The following DGKB variants were observed in gnomAD, a reference collection of about 807,000 sequenced individuals.
DGKB encodes 90 kDa diacylglycerol kinase.
A neutral mutation model predicts 114.3 loss-of-function variants in DGKB; 67 were observed. That is an observed-to-expected ratio of 0.59 (90% CI 0.48 to 0.72). The LOEUF (loss-of-function observed/expected upper bound fraction) is 0.72. Among genes scored for constraint, DGKB ranks in the 30% least tolerant of loss-of-function variants. DGKB has a pLI of 0.00. For missense variants in DGKB, 907 were observed against 975.2 expected, an observed-to-expected ratio of 0.93 and a Z score of 0.93; for synonymous variants, 398 against 323.1, an observed-to-expected ratio of 1.23 and a Z score of -2.49.
chr7:14,794,843 G>A (rs891339637), intron 2 of DGKB, among the ~76,000 whole-genome samples: 1 of 152,122 alleles, frequency 6.6e-6, no homozygotes, highest in Non-Finnish European at 1.5e-5. Context: ...ACCAGTAAAA[G>A]AGATCTCCCC....
chr7:14,708,722 C>T (rs1200171596), intron 6 of DGKB, among the ~76,000 whole-genome samples: 1 of 151,184 alleles, frequency 6.6e-6, no homozygotes, highest in East Asian at 1.9e-4. Flanking sequence ...GGAAAGGATT[C>T]CCTATTTAAT....
intron 23 of DGKB, among the ~76,000 whole-genome samples, chr7:14,255,568 G>C (rs757306482): frequency 6.6e-6 from 1 of 152,084 alleles, no homozygotes; most frequent in Non-Finnish European, 1.5e-5. Flanking sequence ...GCAAAAGTAA[G>C]AATAAATAAC....
intron 23 of DGKB, among the ~76,000 whole-genome samples, chr7:14,326,142 T>A (rs1808677870): frequency 6.6e-6 from 1 of 151,706 alleles, no homozygotes; most frequent in African/African-American, 2.4e-5. Context: ...AACTAAAACC[T>A]GTGTGTAAGA....
intron 25 of DGKB, among the ~76,000 whole-genome samples, chr7:14,164,371 T>C (rs1385780532): frequency 6.6e-6 from 1 of 152,170 alleles, no homozygotes; most frequent in Non-Finnish European, 1.5e-5. Context: ...ATAATATTAT[T>C]TTCACATTTT....
intron 20 of DGKB, among the ~76,000 whole-genome samples, chr7:14,562,325 G>A (rs1796782517): frequency 6.6e-6 from 1 of 152,214 alleles, no homozygotes. Flanking sequence ...ATGCAGAAGT[G>A]CATAAGGGAA....
At chr7:14,567,619 T>C (rs1169610858) in intron 20 of DGKB, among the ~76,000 whole-genome samples, 4 of 129,342 alleles carry the variant, frequency 3.1e-5, no homozygotes, top group Non-Finnish European at 6.2e-5. Flanking sequence ...ATATATCTTT[T>C]TTATTGAGAT....
At chr7:14,377,548 A>T (rs1454035875) in intron 21 of DGKB, among the ~76,000 whole-genome samples, 1 of 152,166 alleles carries the variant, frequency 6.6e-6, no homozygotes, top group Non-Finnish European at 1.5e-5. Flanking sequence ...CTTATCTTCT[A>T]GGACAGGTAT....
chr7:14,510,365 T>G (rs931536452), intron 20 of DGKB, among the ~76,000 whole-genome samples: 1 of 152,170 alleles, frequency 6.6e-6, no homozygotes, highest in African/African-American at 2.4e-5. Context: ...TTCAACAATG[T>G]TCACAGTATC....
intron 21 of DGKB, among the ~76,000 whole-genome samples, chr7:14,418,208 A>T: frequency 2.5e-5 from 1 of 40,810 alleles, no homozygotes; most frequent in East Asian, 5.7e-4. Context: ...TATATTTATA[A>T]ATGTATATAT....
At chr7:14,517,815 ATGCTGGCGAGG>A (rs1789087337) in intron 20 of DGKB, among the ~76,000 whole-genome samples, 1 of 152,064 alleles carries the variant, frequency 6.6e-6, no homozygotes. Context: ...AAAGTAACAG[ATGCTGGCGAGG>A]TTGTGGAGAA....
chr7:14,516,144 A>C (rs1788759007), intron 20 of DGKB, among the ~76,000 whole-genome samples: 1 of 152,164 alleles, frequency 6.6e-6, no homozygotes, highest in African/African-American at 2.4e-5. Flanking sequence ...CACTGTGCTC[A>C]GCCATATTTT....
At chr7:14,232,761 T>C (rs1792110629) in intron 23 of DGKB, among the ~76,000 whole-genome samples, 1 of 152,056 alleles carries the variant, frequency 6.6e-6, no homozygotes, top group Admixed American at 6.6e-5. Context: ...ATCATTTTAC[T>C]AGCTTAGGGT....
chr7:14,643,403 C>T (rs1812223808), intron 13 of DGKB, among the ~76,000 whole-genome samples: 1 of 152,100 alleles, frequency 6.6e-6, no homozygotes, highest in Non-Finnish European at 1.5e-5. Flanking sequence ...GGGACCAAAG[C>T]TGATGCATCA....
At chr7:14,897,208 A>G (rs564653942) in intron 1 of DGKB, among the ~76,000 whole-genome samples, 14 of 152,078 alleles carry the variant, frequency 9.2e-5, no homozygotes, top group Non-Finnish European at 1.9e-4. Flanking sequence ...GTTCACATAG[A>G]TACAATATTT....
Position 14,956,749 on chromosome 7 carries a change from T to G in DGKB, c.-188+17947A>C, listed in dbSNP as rs143600563. ...TGAGGAGAAGAAGATAATATAACCA[T>G]GAGTGCAATGGAGCAGATGTAAAGA... is the stretch of plus-strand genomic sequence containing the variant. On this transcript the variant is annotated intron_variant, in intron 1 of 4. Transcript: ENST00000437998. Among the ~76,000 whole-genome samples, 592 of 152,032 alleles carry G rather than the reference T, an allele frequency of 3.9e-3. 2 individuals are homozygous for G. The highest frequency in any genetic ancestry group is 5.5e-3 in the Non-Finnish European group (372 of 67,946).
intron 20 of DGKB, among the ~76,000 whole-genome samples, chr7:14,561,123 G>C (rs886664528): frequency 6.6e-6 from 1 of 152,084 alleles, no homozygotes; most frequent in Non-Finnish European, 1.5e-5. Context: ...CCCAGTGGAA[G>C]GTAACTGAAT....
At chr7:14,909,584 T>A (rs1219822207) in intron 1 of DGKB, among the ~76,000 whole-genome samples, 2 of 152,282 alleles carry the variant, frequency 1.3e-5, no homozygotes, top group Admixed American at 6.5e-5. Flanking sequence ...TCTTGGCTAG[T>A]ATAAAAATTT....
intron 14 of DGKB, 88 bp downstream of exon 14, chr7:14,630,148 T>C (rs1485274111): frequency 2.5e-6 from 2 of 792,520 alleles, no homozygotes; most frequent in Non-Finnish European, 3.8e-6. Flanking sequence ...CGAATGTCAC[T>C]GAGCCAGCAC....
intron 6 of DGKB, 31 bp downstream of exon 6, chr7:14,718,511 C>T (rs370382503): frequency 7.4e-5 from 118 of 1,587,264 alleles, no homozygotes; most frequent in East Asian, 9.1e-5. Context: ...CCCCCAATCA[C>T]GATAAGTAAA....
Sources: allele counts gnomAD v4.1 joint callset (sites outside exome capture counted in the v4.1 genomes callset), GRCh38; gene constraint gnomAD v4.1.1; transcripts MANE v1.5; gene names NCBI Gene and HGNC (gene_info 2026-07-23, HGNC 2026-07-21).